Variants in FHIP1A observed in about 807,000 individuals in gnomAD.
The protein encoded by FHIP1A is FHF complex subunit HOOK-interacting protein 1A.
Under a neutral mutation model 88.6 loss-of-function variants are expected in FHIP1A, and 61 were observed. That is an observed-to-expected ratio of 0.69 (90% CI 0.56 to 0.85). The LOEUF (loss-of-function observed/expected upper bound fraction) is 0.85. FHIP1A is among the 40% of genes least tolerant of loss of function. The pLI, the probability that FHIP1A is intolerant of heterozygous loss-of-function variation, is 0.00. For synonymous variants in FHIP1A, 478 were observed against 496.0 expected, an observed-to-expected ratio of 0.96 and a Z score of 0.48; for missense variants, 1,154 against 1,273.5, an observed-to-expected ratio of 0.91 and a Z score of 1.43.
chr4:151,461,437 G>A (rs115255658), intron 2 of FHIP1A, among the ~76,000 whole-genome samples: 1,679 of 152,224 alleles, frequency 0.011, 31 homozygotes, highest in African/African-American at 0.037. Flanking sequence ...ATGGTAGGAT[G>A]ATTATAGTTA....
intron 1 of FHIP1A, among the ~76,000 whole-genome samples, chr4:151,418,373 A>G (rs1324668085): frequency 1.3e-5 from 2 of 152,124 alleles, no homozygotes; most frequent in African/African-American, 2.4e-5. Flanking sequence ...AGGACCTTGC[A>G]TGTCCTATTT....
chr4:151,651,741 T>G (rs1737038095), intron 11 of FHIP1A, among the ~76,000 whole-genome samples: 2 of 152,228 alleles, frequency 1.3e-5, no homozygotes, highest in Admixed American at 6.5e-5. Context: ...TTATGTGATT[T>G]CAAGGAGCTC....
chr4:151,460,470 G>A (rs1729110429), intron 2 of FHIP1A, among the ~76,000 whole-genome samples: 1 of 152,102 alleles, frequency 6.6e-6, no homozygotes, highest in Admixed American at 6.6e-5. Context: ...TTAATTTGAT[G>A]GTCTCTTCCT....
rs1426718503 is a variant in FHIP1A, at chr4:151,566,213, TTAA to T, written c.-45_-43del. On this transcript the variant is annotated 5_prime_UTR_variant, in exon 4 of 14. An upstream start codon of the reference 5' UTR is lost. Coordinates refer to ENST00000435205, the MANE Select transcript of FHIP1A (RefSeq NM_001109977.3). ...AAAGTTAGTGACGGCTTACCAAATT[TTAA>T]TGAAAATTAAATATGACTTAGAAGC... The T allele has an allele frequency of 2.4e-6, 3 of 1,269,286 alleles. No individual in the cohort carries two copies. The highest frequency in any genetic ancestry group is 3.2e-6 in the Non-Finnish European group (3 of 923,950). The allele number at this position is 1,269,286 out of a possible 1,614,324, so 78.6% of individuals were successfully genotyped here. A position where few individuals can be genotyped will look rare whatever the true frequency, so the allele number is the denominator to read the frequency against.
intron 3 of FHIP1A, among the ~76,000 whole-genome samples, chr4:151,528,278 T>C (rs1731755514): frequency 6.6e-6 from 1 of 152,198 alleles, no homozygotes; most frequent in South Asian, 2.1e-4. Context: ...ATTTATGCAG[T>C]AGTGCTCCTC....
intron 1 of FHIP1A, among the ~76,000 whole-genome samples, chr4:151,441,115 T>G (rs190871756): frequency 8.3e-4 from 126 of 152,278 alleles, no homozygotes; most frequent in Non-Finnish European, 1.4e-3. Context: ...TTCATTTGCT[T>G]ATCTCCTGCT....
chr4:151,612,185 C>A (rs1317950220), intron 7 of FHIP1A, among the ~76,000 whole-genome samples: 1 of 152,146 alleles, frequency 6.6e-6, no homozygotes, highest in African/African-American at 2.4e-5. Flanking sequence ...CCATTAGGCA[C>A]CTTGGAAGTA....
intron 7 of FHIP1A, among the ~76,000 whole-genome samples, chr4:151,617,649 G>T (rs1735592234): frequency 6.6e-6 from 1 of 152,192 alleles, no homozygotes; most frequent in Admixed American, 6.5e-5. Context: ...ACTTTGGGAG[G>T]CTGAGGTGGG....
chr4:151,441,980 GCCT>G (rs1459620430), intron 1 of FHIP1A, among the ~76,000 whole-genome samples: 1 of 152,094 alleles, frequency 6.6e-6, no homozygotes, highest in Non-Finnish European at 1.5e-5. Flanking sequence ...GTTAACATTT[GCCT>G]CCTATTTGTA....
chr4:151,533,105 G>A (rs1297133264), intron 3 of FHIP1A: 1 of 152,246 alleles, frequency 6.6e-6, no homozygotes, highest in Admixed American at 6.5e-5. Flanking sequence ...TGTGGAGAGA[G>A]ATCTGTACTA....
intron 1 of FHIP1A, among the ~76,000 whole-genome samples, chr4:151,412,548 TTTTC>T (rs1732690431): frequency 6.8e-6 from 1 of 147,510 alleles, no homozygotes; most frequent in African/African-American, 2.5e-5. Flanking sequence ...TGAAATGGGC[TTTTC>T]TTTTTCTTTC....
In FHIP1A at chr4:151,627,896, A is replaced by T. The variant is rs80177199; in HGVS notation, c.979-1806A>T. On this transcript the variant is annotated intron_variant, in intron 7 of 13. Transcript: ENST00000435205. ...ACATTTTATGTGCCAGGCTTTGTGC[A>T]TTGCATTGAGGTAATAAAGAAAAGA... Among the ~76,000 whole-genome samples the T allele has an allele frequency of 5.6e-3, 849 of 152,296 alleles. 6 individuals carry two copies. Among genetic ancestry groups the T allele is most frequent in the Non-Finnish European group, 7.0e-3 (474 of 68,012 alleles).
intron 13 of FHIP1A, among the ~76,000 whole-genome samples, chr4:151,657,578 G>A (rs1737295315): frequency 6.6e-6 from 1 of 152,172 alleles, no homozygotes; most frequent in Non-Finnish European, 1.5e-5. Context: ...TTAAGCTCTG[G>A]TTGGACCGAT....
intron 7 of FHIP1A, among the ~76,000 whole-genome samples, chr4:151,593,952 T>G (rs760457689): frequency 6.6e-6 from 1 of 152,202 alleles, no homozygotes; most frequent in Non-Finnish European, 1.5e-5. Context: ...CTTAGTTTAT[T>G]GAGAGTTTTT....
At chr4:151,461,616 T>C (rs1308791430) in intron 2 of FHIP1A, among the ~76,000 whole-genome samples, 2 of 152,152 alleles carry the variant, frequency 1.3e-5, no homozygotes, top group Admixed American at 6.5e-5. Flanking sequence ...ATAATTATCA[T>C]ATGCCAATTA....
intron 3 of FHIP1A, among the ~76,000 whole-genome samples, chr4:151,493,432 T>G (rs1483373293): frequency 6.6e-6 from 1 of 152,124 alleles, no homozygotes; most frequent in African/African-American, 2.4e-5. Flanking sequence ...ACTGAAATGA[T>G]TCCAACAGAA....
chr4:151,572,556 T>C (rs1244904097), intron 4 of FHIP1A, among the ~76,000 whole-genome samples: 1 of 152,242 alleles, frequency 6.6e-6, no homozygotes, highest in African/African-American at 2.4e-5. Context: ...AGCTGTTAAG[T>C]AATGAACAAG....
At chr4:151,448,843 T>G (rs754616968) in intron 1 of FHIP1A, among the ~76,000 whole-genome samples, 17 of 152,304 alleles carry the variant, frequency 1.1e-4, no homozygotes, top group Non-Finnish European at 2.4e-4. Flanking sequence ...TGCTGGATCA[T>G]ATGGAAGTTT....
At chr4:151,544,254 T>G (rs538273429) in intron 3 of FHIP1A, among the ~76,000 whole-genome samples, 2 of 152,266 alleles carry the variant, frequency 1.3e-5, no homozygotes, top group Admixed American at 1.3e-4. Flanking sequence ...GCAGAATAAG[T>G]ATTATGTTTC....
Sources: allele counts gnomAD v4.1 joint callset (sites outside exome capture counted in the v4.1 genomes callset), GRCh38; gene constraint gnomAD v4.1.1; transcripts MANE v1.5; gene names NCBI Gene and HGNC (gene_info 2026-07-23, HGNC 2026-07-21).